The following FLT1 variants were observed in gnomAD, a reference collection of about 807,000 sequenced individuals.
The protein encoded by FLT1 is vascular endothelial growth factor receptor 1.
Under a neutral mutation model 156.3 loss-of-function variants are expected in FLT1, and 49 were observed. That is an observed-to-expected ratio of 0.31 (90% CI 0.25 to 0.40). The LOEUF is 0.40. FLT1 is among the 10% of genes least tolerant of loss of function. The probability of loss-of-function intolerance (pLI) is 1.00; values close to 1 mark genes in which losing one functional copy is unlikely to be tolerated. For missense variants in FLT1, 1,322 were observed against 1,637.2 expected, an observed-to-expected ratio of 0.81 and a Z score of 3.32; for synonymous variants, 594 against 583.8, an observed-to-expected ratio of 1.02 and a Z score of -0.25.
At position 28,404,501 on chromosome 13, in the gene FLT1, G is replaced by T. The variant is rs557282534; in HGVS notation, c.1551+1279C>A. 2.6e-5 allele frequency among the ~76,000 whole-genome samples: 4 copies of T among 152,282 alleles called. No homozygotes were observed. The East Asian group carries it at 7.7e-4, about 29-fold the overall frequency. ...CATATGTCAAAAAGTTTCACATAAT[G>T]AAAATTATAGATGTTATTTGTTGTT... On this transcript the variant is annotated intron_variant, in intron 11 of 29. Transcript: ENST00000282397.
At chr13:28,477,625 C>A (rs1409218611) in intron 1 of FLT1, among the ~76,000 whole-genome samples, 1 of 152,186 alleles carries the variant, frequency 6.6e-6, no homozygotes, top group East Asian at 1.9e-4. Context: ...ACTCTTTACA[C>A]CCTAAAAATG....
Position 28,336,466 on chromosome 13 carries a change from A to G in FLT1, c.2489-2337T>C, listed in dbSNP as rs187197837. Among the ~76,000 whole-genome samples the G allele has an allele frequency of 6.1e-4, 93 of 152,272 alleles. 2 individuals carry two copies. The highest frequency in any genetic ancestry group is 1.6e-3 in the Admixed American group (24 of 15,302). ...CCTGGAATGCCACTAACTAGCTCGG[A>G]AGTGTGCTAGGTCATTGCCATACAA... On this transcript the variant is annotated intron_variant, in intron 17 of 29. Coordinates refer to ENST00000282397, the MANE Select transcript of FLT1 (RefSeq NM_002019.4).
chr13:28,452,127 A>G lies in FLT1; in HGVS notation c.389-13782T>C, dbSNP rs1194336352. Among the ~76,000 whole-genome samples, 3 of 152,186 alleles carry G rather than the reference A, an allele frequency of 2.0e-5. No homozygotes were observed. In the East Asian group the frequency reaches 5.8e-4, roughly 29 times the overall value. On this transcript the variant is annotated intron_variant, in intron 3 of 29. Coordinates refer to ENST00000282397, the MANE Select transcript of FLT1 (RefSeq NM_002019.4). ...TGTGTGCCAGCTGAATCCAGCCTGCATACTTCCAGTTTGCAACCCTGCATG... is the reference window on the plus strand; with the variant it reads ...TGTGTGCCAGCTGAATCCAGCCTGCGTACTTCCAGTTTGCAACCCTGCATG...
Position 28,385,007 on chromosome 13 carries a change from C to A in FLT1, c.1994G>T (p.Arg665Leu). 1 of 1,614,036 alleles carries A rather than the reference C, an allele frequency of 6.2e-7. No individual in the cohort carries two copies. Among genetic ancestry groups the A allele is most frequent in the Non-Finnish European group, 8.5e-7 (1 of 1,180,000 alleles). ...IRDQEAPYLL[R>L]NLSDHTVAIS... ...GGCCACTGTGTGATCACTGAGGTTT[C>A]GCAGGAGGTATGGTGCTTCCTGATC... The change falls in exon 14 of 30, where the codon CGA (arginine) becomes CTA (leucine). Residue 665 changes from arginine (R) to leucine (L), a missense_variant. Coordinates refer to ENST00000282397, the MANE Select transcript of FLT1 (RefSeq NM_002019.4).
chr13:28,333,238 A>G (rs1871995289), intron 18 of FLT1, among the ~76,000 whole-genome samples: 1 of 152,248 alleles, frequency 6.6e-6, no homozygotes, highest in African/African-American at 2.4e-5. Flanking sequence ...ATTTCCCAGC[A>G]GTATCCTGGA....
chr13:28,331,141 G>A (rs987223489), intron 18 of FLT1, among the ~76,000 whole-genome samples: 1 of 152,222 alleles, frequency 6.6e-6, no homozygotes, highest in Non-Finnish European at 1.5e-5. Flanking sequence ...ACATGCAAGT[G>A]TTTCTGTAGG....
intron 3 of FLT1, among the ~76,000 whole-genome samples, chr13:28,460,170 A>T (rs944155288): frequency 2.6e-5 from 4 of 152,352 alleles, no homozygotes; most frequent in Admixed American, 2.6e-4. Flanking sequence ...AGATCTGGGA[A>T]GGGATCTAAA....
chr13:28,388,778 T>C (rs1408967476), intron 13 of FLT1: 6 of 1,059,446 alleles, frequency 5.7e-6, no homozygotes, highest in Non-Finnish European at 6.9e-6. Context: ...ATAGCCTTTA[T>C]TTCCTTGATA....
At chr13:28,372,164 C>T (rs1251338620) in intron 14 of FLT1, among the ~76,000 whole-genome samples, 1 of 145,366 alleles carries the variant, frequency 6.9e-6, no homozygotes, top group Non-Finnish European at 1.5e-5. Flanking sequence ...TCACTGCAAC[C>T]TCTGCCTCCT....
chr13:28,421,534 CTT>C (rs11290096), intron 10 of FLT1, among the ~76,000 whole-genome samples: 2 of 151,180 alleles, frequency 1.3e-5, no homozygotes, highest in African/African-American at 2.4e-5. Context: ...AGCTGCTGCA[CTT>C]TTTTTTTTCC....
At chr13:28,443,982 T>C (rs1488426419) in intron 3 of FLT1, among the ~76,000 whole-genome samples, 2 of 152,122 alleles carry the variant, frequency 1.3e-5, no homozygotes, top group Admixed American at 1.3e-4. Context: ...AGAGGGGTGT[T>C]TGATAATATT....
At chr13:28,357,758 C>T in intron 14 of FLT1, 73 bp from the exon 15 acceptor site, 2 of 1,379,076 alleles carry the variant, frequency 1.5e-6, no homozygotes, top group Non-Finnish European at 2.1e-6. Context: ...GTAACACAGC[C>T]TTCTTCCTAT....
chr13:28,341,705 G>A (rs1230042220), intron 16 of FLT1, among the ~76,000 whole-genome samples: 1 of 152,066 alleles, frequency 6.6e-6, no homozygotes, highest in Non-Finnish European at 1.5e-5. Flanking sequence ...AATATTTTGG[G>A]ATGTCTTGTT....
At chr13:28,459,901 G>A (rs978869894) in intron 3 of FLT1, among the ~76,000 whole-genome samples, 14 of 152,236 alleles carry the variant, frequency 9.2e-5, no homozygotes, top group African/African-American at 3.1e-4. Flanking sequence ...CTTTCGGTCT[G>A]GGGATGAAGG....
rs116593828 is a variant in FLT1, at chr13:28,393,913, G to A, written c.1660+3047C>T. On this transcript the variant is annotated intron_variant, in intron 12 of 29. Transcript: ENST00000282397. Reference sequence around the variant, plus strand: ...CAAGTAACTGTATTTTAAAGAAGGGGCAACAGGATTGAAATGAGGACCAGT... The same window carrying A: ...CAAGTAACTGTATTTTAAAGAAGGGACAACAGGATTGAAATGAGGACCAGT... 5.6e-3 allele frequency among the ~76,000 whole-genome samples: 860 copies of A among 152,224 alleles called. 6 individuals are homozygous for A. Among genetic ancestry groups the A allele is most frequent in the African/African-American group, 0.019 (800 of 41,526 alleles).
chr13:28,308,881 A>C lies in FLT1; in HGVS notation c.3682T>G (p.Phe1228Val). The C allele has an allele frequency of 1.9e-6, 3 of 1,612,948 alleles. No individual in the cohort carries two copies. Among genetic ancestry groups the C allele is most frequent in the Non-Finnish European group, 2.5e-6 (3 of 1,178,882 alleles). Residue 1228 changes from phenylalanine (F) to valine (V), a missense_variant, in exon 28 of 30, where the codon TTT (phenylalanine) becomes GTT (valine). Phe to Val is a conservative substitution (Grantham distance 50). This residue lies in a region of FLT1 where 329 missense variants were observed against 366.2 expected (regional missense o/e 0.90). Transcript: ENST00000282397. Reference protein sequence around the residue: ...KFMSLERIKTFEELLPNATSM... With the variant: ...KFMSLERIKTVEELLPNATSM... The stretch of plus-strand genomic sequence containing the variant: ...GTGGCATTCGGTAAAAGTTCTTCAA[A>C]GGTTTTGATTCTTTCCAGGCTCATG...
intron 1 of FLT1, among the ~76,000 whole-genome samples, chr13:28,489,535 T>C (rs1027438406): frequency 2.6e-5 from 4 of 152,136 alleles, no homozygotes; most frequent in African/African-American, 9.7e-5. Context: ...GCAAGTGCTG[T>C]CTGGGAGCTA....
At chr13:28,307,178 C>T (rs1870783805) in intron 28 of FLT1, among the ~76,000 whole-genome samples, 1 of 152,184 alleles carries the variant, frequency 6.6e-6, no homozygotes, top group Admixed American at 6.5e-5. Flanking sequence ...ATCGTAAAGA[C>T]ATCATTCGAT....
intron 3 of FLT1, among the ~76,000 whole-genome samples, chr13:28,454,921 C>T (rs1879175080): frequency 6.6e-6 from 1 of 152,108 alleles, no homozygotes; most frequent in Non-Finnish European, 1.5e-5. Flanking sequence ...AAAAGTGAAA[C>T]ACCTAGACAT....
Sources: gnomAD v4.1 joint callset for allele counts (sites outside exome capture counted in the v4.1 genomes callset) on GRCh38, gnomAD v4.1.1 for gene constraint, gnomAD v4.1.1 regional missense constraint, MANE v1.5 for transcripts, NCBI Gene and HGNC (gene_info 2026-07-23, HGNC 2026-07-21) for gene names.